Variants in LRRC37A observed in about 807,000 individuals in gnomAD.
The protein encoded by LRRC37A is leucine rich repeat containing 37A.
Under a neutral mutation model 35.4 loss-of-function variants are expected in LRRC37A, and 3 were observed. The ratio of observed to expected loss-of-function variants is 0.08; its 90% CI spans 0.04 to 0.22. The LOEUF (loss-of-function observed/expected upper bound fraction) is 0.22. Ranked by LOEUF, LRRC37A falls within the 10% of genes least tolerant of loss-of-function variation. The pLI is 1.00. For synonymous variants in LRRC37A, 23 were observed against 215.0 expected (o/e 0.11, Z 7.81); for missense variants, 67 against 565.3 (o/e 0.12, Z 8.94).
chr17:46,334,739 TA>T, intron 10 of LRRC37A: 1 of 90,952 alleles, frequency 1.1e-5, no homozygotes. Flanking sequence ...AAACAGTCAA[TA>T]AAATGTATTA....
At chr17:46,280,099 G>A in the LRRC37A span, among the ~76,000 whole-genome samples, 6 of 152,192 alleles carry the variant, frequency 3.9e-5, no homozygotes, top group Admixed American at 2.0e-4. Context: ...CTGGCCAGGC[G>A]CGGTGGCTCA....
the LRRC37A span, among the ~76,000 whole-genome samples, chr17:46,252,834 T>C: frequency 6.6e-6 from 1 of 152,144 alleles, no homozygotes. Flanking sequence ...TTCCCCCCTT[T>C]CTACTCCACA....
chr17:46,275,949 G>C, the LRRC37A span, among the ~76,000 whole-genome samples: 6 of 151,694 alleles, frequency 4.0e-5, no homozygotes, highest in Non-Finnish European at 8.8e-5. Flanking sequence ...GTAGTGCAAA[G>C]GCGCGATCTT....
At chr17:46,274,221 T>C in the LRRC37A span, among the ~76,000 whole-genome samples, 919 of 152,106 alleles carry the variant, frequency 6.0e-3, no homozygotes, top group Non-Finnish European at 9.6e-3. Context: ...ATTTATTTTG[T>C]TTCACATACA....
intron 3 of LRRC37A, among the ~76,000 whole-genome samples, chr17:46,304,831 C>A: frequency 1.7e-5 from 1 of 58,322 alleles, no homozygotes; most frequent in Non-Finnish European, 5.5e-5. Flanking sequence ...GAAAACAGAC[C>A]TAAACTAAGA....
chr17:46,278,570 A>C, the LRRC37A span, among the ~76,000 whole-genome samples: 4 of 151,130 alleles, frequency 2.6e-5, no homozygotes, highest in African/African-American at 9.8e-5. Flanking sequence ...CGACCGGCTA[A>C]TTTTTGTATT....
the LRRC37A span, among the ~76,000 whole-genome samples, chr17:46,250,161 C>T: frequency 6.6e-6 from 1 of 152,148 alleles, no homozygotes; most frequent in African/African-American, 2.4e-5. Flanking sequence ...AAACTCCTGA[C>T]CTCAAGTGAT....
At chr17:46,253,372 C>T in the LRRC37A span, among the ~76,000 whole-genome samples, 2 of 152,106 alleles carry the variant, frequency 1.3e-5, no homozygotes, top group Non-Finnish European at 2.9e-5. Context: ...GCTGCAATCT[C>T]GGCACTTTGG....
At chr17:46,257,872 T>C in the LRRC37A span, among the ~76,000 whole-genome samples, 1 of 152,028 alleles carries the variant, frequency 6.6e-6, no homozygotes, top group African/African-American at 2.4e-5. Flanking sequence ...CAAAAAACAT[T>C]TATTATATCA....
the LRRC37A span, among the ~76,000 whole-genome samples, chr17:46,261,747 AAAG>A: frequency 9.2e-4 from 111 of 120,876 alleles, no homozygotes; most frequent in Non-Finnish European, 1.1e-3. Context: ...AAAAAAAAAA[AAAG>A]AAGAAGAAGA....
At chr17:46,275,381 T>C in the LRRC37A span, 4 of 1,008,174 alleles carry the variant, frequency 4.0e-6, no homozygotes, top group South Asian at 5.2e-5. Context: ...CATGCTGAAC[T>C]TTAGGAAGCT....
chr17:46,258,965 A>G, the LRRC37A span, among the ~76,000 whole-genome samples: 8 of 127,316 alleles, frequency 6.3e-5, no homozygotes, highest in South Asian at 2.5e-4. Flanking sequence ...TGATCCGCCC[A>G]CCTCAGCCTC....
At chr17:46,255,218 C>T in the LRRC37A span, among the ~76,000 whole-genome samples, 1 of 152,148 alleles carries the variant, frequency 6.6e-6, no homozygotes. Flanking sequence ...ATCTTCCTTC[C>T]TCGGCCTCTC....
chr17:46,282,421 T>G, the LRRC37A span, among the ~76,000 whole-genome samples: 8,905 of 151,350 alleles, frequency 0.059, 905 homozygotes, highest in African/African-American at 0.21. Flanking sequence ...TTGTTTGTTT[T>G]TTTTTTTTAA....
the LRRC37A span, among the ~76,000 whole-genome samples, chr17:46,250,753 G>A: frequency 6.6e-6 from 1 of 152,128 alleles, no homozygotes; most frequent in Non-Finnish European, 1.5e-5. Context: ...TGACTAATAC[G>A]CTCAGTGACT....
the LRRC37A span, among the ~76,000 whole-genome samples, chr17:46,257,848 T>C: frequency 1.3e-5 from 2 of 152,060 alleles, no homozygotes; most frequent in Admixed American, 6.6e-5. Flanking sequence ...TCCCCAACAT[T>C]TAGCAGCTTA....
intron 5 of LRRC37A, among the ~76,000 whole-genome samples, chr17:46,317,060 A>C (rs1310195135): frequency 1.1e-5 from 1 of 87,138 alleles, no homozygotes; most frequent in African/African-American, 3.1e-5. Flanking sequence ...TTTTCCCCAC[A>C]TTTCCCCCTT....
the LRRC37A span, among the ~76,000 whole-genome samples, chr17:46,276,549 A>G: frequency 4.6e-5 from 7 of 152,240 alleles, no homozygotes; most frequent in South Asian, 2.1e-4. Flanking sequence ...GATGGTATAA[A>G]TGATGAATTA....
chr17:46,267,730 C>G, the LRRC37A span, among the ~76,000 whole-genome samples: 1 of 152,030 alleles, frequency 6.6e-6, no homozygotes, highest in Non-Finnish European at 1.5e-5. Context: ...AGAACGGCAG[C>G]TGTTGGCACA....
Sources: gnomAD v4.1 joint callset for allele counts (sites outside exome capture counted in the v4.1 genomes callset) on GRCh38, gnomAD v4.1.1 for gene constraint, MANE v1.5 for transcripts, NCBI Gene and HGNC (gene_info 2026-07-23, HGNC 2026-07-21) for gene names.